Variants in OR14I1 observed in about 807,000 individuals in gnomAD.
The protein encoded by OR14I1 is olfactory receptor family 14 subfamily I member 1, also known as olfactory receptor 14I1.
For missense variants in OR14I1, 279 were observed against 181.8 expected (o/e 1.53, Z -3.07); for synonymous variants, 118 against 71.1 (o/e 1.66, Z -3.32).
chr1:248,694,813 C>T, the OR14I1 span, among the ~76,000 whole-genome samples: 1 of 152,182 alleles, frequency 6.6e-6, no homozygotes, highest in South Asian at 2.1e-4. Context: ...AATTTACCCA[C>T]CAGAAATAGA....
chr1:248,690,807 C>G, the OR14I1 span, among the ~76,000 whole-genome samples: 1 of 151,722 alleles, frequency 6.6e-6, no homozygotes. Context: ...AATTTCACAC[C>G]AATATCGCTG....
chr1:248,702,235 A>G, the OR14I1 span, among the ~76,000 whole-genome samples: 9 of 152,320 alleles, frequency 5.9e-5, no homozygotes, highest in South Asian at 1.9e-3. Context: ...CACAATCCAA[A>G]GTCTTATCTG....
exon 1 of OR14I1, chr1:248,681,331 T>G (rs968049212): frequency 3.1e-6 from 2 of 643,778 alleles, no homozygotes; most frequent in Non-Finnish European, 5.6e-6. Context: ...TTTTTTGGGG[T>G]TTTGTTGCAG....
the OR14I1 span, among the ~76,000 whole-genome samples, chr1:248,688,493 A>G: frequency 6.6e-6 from 1 of 152,254 alleles, no homozygotes; most frequent in Non-Finnish European, 1.5e-5. Flanking sequence ...TTTCCAACCC[A>G]CCTTCTGTCT....
At chr1:248,686,317 T>A (rs984834884), upstream of OR14I1, among the ~76,000 whole-genome samples, 2 of 152,194 alleles carry the variant, frequency 1.3e-5, no homozygotes, top group South Asian at 4.1e-4. Flanking sequence ...CTCAACAAGA[T>A]GGCCTCTGCT....
the OR14I1 span, among the ~76,000 whole-genome samples, chr1:248,699,981 T>A: frequency 6.6e-6 from 1 of 152,182 alleles, no homozygotes; most frequent in Non-Finnish European, 1.5e-5. Flanking sequence ...AGGATGGTCT[T>A]GATCTCCTGA....
the OR14I1 span, chr1:248,691,716 G>A: frequency 6.6e-6 from 1 of 152,336 alleles, no homozygotes; most frequent in Non-Finnish European, 1.5e-5. Flanking sequence ...GCAGGCCAAA[G>A]GGACTGTGGA....
the OR14I1 span, among the ~76,000 whole-genome samples, chr1:248,688,985 G>C: frequency 6.6e-6 from 1 of 152,090 alleles, no homozygotes; most frequent in East Asian, 1.9e-4. Flanking sequence ...TTCTCTAGTA[G>C]GTAGACAGGC....
downstream of OR14I1, among the ~76,000 whole-genome samples, chr1:248,678,160 A>C (rs1300771603): frequency 6.6e-6 from 1 of 152,228 alleles, no homozygotes; most frequent in Non-Finnish European, 1.5e-5. Flanking sequence ...ATTTTATTCC[A>C]AATATTTTAT....
chr1:248,698,778 T>A, the OR14I1 span: 1 of 152,172 alleles, frequency 6.6e-6, no homozygotes, highest in Non-Finnish European at 1.5e-5. Flanking sequence ...TATATCCTAC[T>A]CCAGCCCAGT....
At chr1:248,681,909 G>C in exon 1 of OR14I1, 1 of 781,004 alleles carries the variant, frequency 1.3e-6, no homozygotes, top group Middle Eastern at 2.3e-4. Flanking sequence ...ATGTCATCAC[G>C]GCTCTGTATT....
chr1:248,695,532 C>T, the OR14I1 span, among the ~76,000 whole-genome samples: 7 of 152,216 alleles, frequency 4.6e-5, no homozygotes, highest in East Asian at 1.9e-4. Context: ...TGCGCCCGGC[C>T]GAATCTATGC....
chr1:248,680,960 C>CTGTG (rs755075968), downstream of OR14I1, among the ~76,000 whole-genome samples: 16 of 73,994 alleles, frequency 2.2e-4, no homozygotes, highest in East Asian at 2.3e-3. Flanking sequence ...GGTACTAAAA[C>CTGTG]TGTGTGCGTG....
At chr1:248,682,239 C>T in exon 1 of OR14I1, 1 of 776,234 alleles carries the variant, frequency 1.3e-6, no homozygotes, top group Non-Finnish European at 2.4e-6. Context: ...CGTGCAGCAC[C>T]TGCAGCTCCC....
At chr1:248,695,276 C>T in the OR14I1 span, among the ~76,000 whole-genome samples, 4 of 146,726 alleles carry the variant, frequency 2.7e-5, no homozygotes, top group African/African-American at 5.1e-5. Flanking sequence ...CTCTGTCGCC[C>T]GGGCTGGAGT....
At chr1:248,701,772 C>T in the OR14I1 span, among the ~76,000 whole-genome samples, 13 of 152,306 alleles carry the variant, frequency 8.5e-5, no homozygotes, top group East Asian at 1.2e-3. Context: ...CTCCCCTGCA[C>T]CCCTCCAAAA....
chr1:248,698,459 A>C, the OR14I1 span, among the ~76,000 whole-genome samples: 1 of 152,226 alleles, frequency 6.6e-6, no homozygotes, highest in Non-Finnish European at 1.5e-5. Flanking sequence ...AAGAGTCTAC[A>C]TAACTGAAAC....
At chr1:248,701,305 C>T in the OR14I1 span, among the ~76,000 whole-genome samples, 2 of 152,140 alleles carry the variant, frequency 1.3e-5, no homozygotes, top group African/African-American at 4.8e-5. Context: ...GTGCCTGCCA[C>T]CACATCCGGC....
chr1:248,684,960 C>T (rs532639188), upstream of OR14I1, among the ~76,000 whole-genome samples: 4 of 152,014 alleles, frequency 2.6e-5, no homozygotes, highest in East Asian at 7.7e-4. Context: ...CCTAAGTGCT[C>T]GTTCTTAAAA....
Sources: allele counts gnomAD v4.1 joint callset (sites outside exome capture counted in the v4.1 genomes callset), GRCh38; gene constraint gnomAD v4.1.1; transcripts MANE v1.5; gene names NCBI Gene and HGNC (gene_info 2026-07-23, HGNC 2026-07-21).